The following ANO6 variants were observed in gnomAD, a reference collection of about 807,000 sequenced individuals.
ANO6 encodes anoctamin-6.
ANO6 carries 106 observed loss-of-function variants against 117.5 expected under a neutral mutation model. The ratio of observed to expected loss-of-function variants is 0.90; its 90% CI spans 0.77 to 1.06. The LOEUF is 1.06. ANO6 is among the 50% of genes least tolerant of loss of function. The pLI is 0.00. For missense variants in ANO6, 955 were observed against 1,121.1 expected (o/e 0.85, Z 2.12); for synonymous variants, 367 against 385.1 (o/e 0.95, Z 0.55).
intron 5 of ANO6, 91 bp downstream of exon 5, chr12:45,348,406 T>C (rs1460420638): frequency 8.2e-6 from 13 of 1,583,528 alleles, no homozygotes; most frequent in Admixed American, 6.7e-5. Flanking sequence ...TTTTAAAAAC[T>C]GCACAAAAAG....
In ANO6 at chr12:45,407,496, C is replaced by T. The variant is rs975356423; in HGVS notation, c.1881-1861C>T. ...CTACCTGAGTCACCCCCCCCCCCCC[C>T]CCCGGAATGACTGCAAAACTGCAGA... On this transcript the variant is annotated intron_variant, in intron 15 of 19. Coordinates refer to ENST00000320560, the MANE Select transcript of ANO6 (RefSeq NM_001025356.3). Among the ~76,000 whole-genome samples the T allele has an allele frequency of 1.1e-4, 8 of 72,284 alleles. 2 individuals are homozygous for T. In the East Asian group the frequency reaches 4.4e-3, roughly 39 times the overall value. The allele number at this position is 72,284 out of a possible 152,430, so 47.4% of individuals were successfully genotyped here.
chr12:45,272,636 C>T (rs1048704768), intron 1 of ANO6, among the ~76,000 whole-genome samples: 1 of 152,048 alleles, frequency 6.6e-6, no homozygotes, highest in Non-Finnish European at 1.5e-5. Flanking sequence ...TCTTAATAAA[C>T]ACAAATAAGT....
At chr12:45,390,566 A>G in intron 12 of ANO6, 68 bp downstream of exon 12, 1 of 1,350,362 alleles carries the variant, frequency 7.4e-7, no homozygotes, top group Non-Finnish European at 1.1e-6. Flanking sequence ...TTTTTTTAAT[A>G]TCTAATTTTA....
intron 2 of ANO6, among the ~76,000 whole-genome samples, chr12:45,316,016 C>T (rs377331613): frequency 8.5e-5 from 13 of 152,066 alleles, no homozygotes; most frequent in African/African-American, 2.7e-4. Context: ...CTGAGCTGTT[C>T]TCTAAATAAT....
chr12:45,225,474 A>G (rs1034431627), intron 1 of ANO6, among the ~76,000 whole-genome samples: 1 of 151,920 alleles, frequency 6.6e-6, no homozygotes, highest in Non-Finnish European at 1.5e-5. Flanking sequence ...AACAAAACAT[A>G]TGTTTTGGGA....
Position 45,430,473 on chromosome 12 carries a change from T to C in ANO6, c.*1162T>C, listed in dbSNP as rs956015458. 6.5e-5 allele frequency: 64 copies of C among 985,338 alleles called. No homozygotes were observed. The African/African-American group carries it at 1.0e-3, about 16-fold the overall frequency. The allele number at this position is 985,338 out of a possible 1,614,324, so 61.0% of individuals were successfully genotyped here. ...ACACCAAAGTCTCTGCCATAAAGAA[T>C]GTGGCTTCCTTGCATCCTCCATCCT... On this transcript the variant is annotated 3_prime_UTR_variant, in exon 20 of 20. Transcript: ENST00000320560.
chr12:45,424,333 T>TG (rs1943442315), intron 19 of ANO6, among the ~76,000 whole-genome samples: 2 of 119,436 alleles, frequency 1.7e-5, no homozygotes, highest in African/African-American at 6.4e-5. Context: ...ATGGGTTTTT[T>TG]TTTTTTTTTT....
chr12:45,430,497 C>T lies in ANO6; in HGVS notation c.*1186C>T, dbSNP rs1943606231. 2.0e-6 allele frequency: 2 copies of T among 985,416 alleles called. No homozygotes were observed. The highest frequency in any genetic ancestry group is 9.4e-5 in the South Asian group (2 of 21,278). The allele number at this position is 985,416 out of a possible 1,614,324, so 61.0% of individuals were successfully genotyped here. On this transcript the variant is annotated 3_prime_UTR_variant, in exon 20 of 20. Coordinates refer to ENST00000320560, the MANE Select transcript of ANO6 (RefSeq NM_001025356.3). Reference sequence around the variant, plus strand: ...ATGTGGCTTCCTTGCATCCTCCATCCTGTTACTCTGGGCCCAGTAATTTGA... The same window carrying T: ...ATGTGGCTTCCTTGCATCCTCCATCTTGTTACTCTGGGCCCAGTAATTTGA...
rs1431671271 is a variant in ANO6, at chr12:45,429,958, A to G, written c.*647A>G. The stretch of plus-strand genomic sequence containing the variant: ...TGGAGTGAAGATAGCAAGGTTTTGA[A>G]GCATATTTGTCCTAATCCACAGTGA... On this transcript the variant is annotated 3_prime_UTR_variant, in exon 20 of 20. Transcript: ENST00000320560. 10 of 987,682 alleles carry G rather than the reference A, an allele frequency of 1.0e-5. No individual in the cohort carries two copies. The Admixed American group carries it at 3.0e-4, about 30-fold the overall frequency. The allele number at this position is 987,682 out of a possible 1,614,324, so 61.2% of individuals were successfully genotyped here. A position where few individuals can be genotyped will look rare whatever the true frequency, so the allele number is the denominator to read the frequency against.
In ANO6 at chr12:45,350,738, G is replaced by A. The variant is rs772758085; in HGVS notation, c.827G>A (p.Arg276Gln). Residue 276 changes from arginine to glutamine, a missense_variant, in exon 7 of 20, where the codon CGA becomes CAA. Physicochemically the swap from Arg to Gln is conservative, Grantham distance 43. Transcript: ENST00000320560. Reference sequence around the variant, plus strand: ...CTGTACAGAGAATGGGCTCATCCTCGAAGCATATACAAAAAGCAGCCCTTG... The same window carrying A: ...CTGTACAGAGAATGGGCTCATCCTCAAAGCATATACAAAAAGCAGCCCTTG... ...YLLYREWAHP[R>Q]SIYKKQPLDL... is the part of the protein sequence containing the mutation. 3.7e-5 allele frequency: 60 copies of A among 1,613,522 alleles called. No individual in the cohort carries two copies. Among genetic ancestry groups the A allele is most frequent in the African/African-American group, 1.1e-4 (8 of 74,838 alleles).
intron 18 of ANO6, among the ~76,000 whole-genome samples, chr12:45,421,494 T>TA (rs1202504735): frequency 6.6e-6 from 1 of 152,190 alleles, no homozygotes; most frequent in Admixed American, 6.5e-5. Context: ...GTATATTTAT[T>TA]AAAAAGTTAA....
At chr12:45,233,585 C>T (rs910336253) in intron 1 of ANO6, among the ~76,000 whole-genome samples, 1 of 152,146 alleles carries the variant, frequency 6.6e-6, no homozygotes, top group Non-Finnish European at 1.5e-5. Context: ...TTTGCCTGTG[C>T]TCTTGTCTGA....
chr12:45,429,348 G>T lies in ANO6; in HGVS notation c.*37G>T. 6.2e-7 allele frequency: 1 copy of T among 1,602,518 alleles called. No homozygotes were observed. The highest frequency in any genetic ancestry group is 1.1e-5 in the South Asian group (1 of 89,438). On this transcript the variant is annotated 3_prime_UTR_variant, in exon 20 of 20. Coordinates refer to ENST00000320560, the MANE Select transcript of ANO6 (RefSeq NM_001025356.3). Reference sequence around the variant, plus strand: ...TCTGAGAAGCACTTTAAGGAATTTAGCTTTGTCAAAATATATTAGGAATCA... The same window carrying T: ...TCTGAGAAGCACTTTAAGGAATTTATCTTTGTCAAAATATATTAGGAATCA...
chr12:45,332,006 C>T (rs1335652541), intron 3 of ANO6, among the ~76,000 whole-genome samples: 1 of 151,878 alleles, frequency 6.6e-6, no homozygotes, highest in African/African-American at 2.4e-5. Context: ...TTCTCTGTTA[C>T]CTCCCTTTCA....
rs570368847 is a variant in ANO6 at position 45,235,389 on chromosome 12, A to G, written c.70+18998A>G. Among the ~76,000 whole-genome samples the G allele has an allele frequency of 4.6e-5, 7 of 152,330 alleles. No individual in the cohort carries two copies. In the East Asian group the frequency reaches 1.3e-3, roughly 29 times the overall value. Reference sequence around the variant, plus strand: ...AGGGCTGTGAATAAGAGTGGGGTACAGTTTCCTGCAATAAGAGATGGGAGG... The same window carrying G: ...AGGGCTGTGAATAAGAGTGGGGTACGGTTTCCTGCAATAAGAGATGGGAGG... On this transcript the variant is annotated intron_variant, in intron 1 of 19. Transcript: ENST00000320560.
intron 15 of ANO6, among the ~76,000 whole-genome samples, chr12:45,405,601 A>G (rs143026814): frequency 6.6e-6 from 1 of 152,102 alleles, no homozygotes; most frequent in East Asian, 1.9e-4. Context: ...TTTTTTATAC[A>G]AAGTCCTAAT....
chr12:45,346,523 G>A (rs1006354642), intron 3 of ANO6, among the ~76,000 whole-genome samples: 68 of 152,154 alleles, frequency 4.5e-4, no homozygotes, highest in African/African-American at 1.4e-3. Flanking sequence ...AATTGCCTGT[G>A]TTGTTTTATT....
At chr12:45,371,175 C>A (rs1251970584) in intron 9 of ANO6, among the ~76,000 whole-genome samples, 2 of 152,180 alleles carry the variant, frequency 1.3e-5, no homozygotes, top group Non-Finnish European at 2.9e-5. Flanking sequence ...CGGCGCACCA[C>A]AAGATTATAT....
chr12:45,225,475 T>C (rs1947467967), intron 1 of ANO6, among the ~76,000 whole-genome samples: 1 of 152,080 alleles, frequency 6.6e-6, no homozygotes, highest in South Asian at 2.1e-4. Context: ...ACAAAACATA[T>C]GTTTTGGGAC....
Sources: gnomAD v4.1 joint callset for allele counts (sites outside exome capture counted in the v4.1 genomes callset) on GRCh38, gnomAD v4.1.1 for gene constraint, MANE v1.5 for transcripts, NCBI Gene and HGNC (gene_info 2026-07-23, HGNC 2026-07-21) for gene names.